RIOK1: variants seen among roughly 807,000 people sequenced by gnomAD.
RIOK1 encodes RIO kinase 1, also known as serine/threonine-protein kinase RIO1.
Under a neutral mutation model 73.5 loss-of-function variants are expected in RIOK1, and 66 were observed. The ratio of observed to expected loss-of-function variants is 0.90; its 90% CI spans 0.74 to 1.10. The LOEUF is 1.10. Among genes scored for constraint, RIOK1 ranks in the 50% least tolerant of loss-of-function variants. The pLI, the probability that RIOK1 is intolerant of heterozygous loss-of-function variation, is 0.00. For missense variants in RIOK1, 658 were observed against 699.8 expected, an observed-to-expected ratio of 0.94 and a Z score of 0.67; for synonymous variants, 224 against 226.8, an observed-to-expected ratio of 0.99 and a Z score of 0.11.
At chr6:7,405,077 TCA>T (rs1761712492) in intron 11 of RIOK1, 56 bp downstream of exon 11, 33 of 1,438,234 alleles carry the variant, frequency 2.3e-5, no homozygotes, top group Non-Finnish European at 3.1e-5. Flanking sequence ...GGTTTTGTAC[TCA>T]GTTAAGCTGT....
chr6:7,391,031 A>T (rs1581708130), intron 1 of RIOK1, among the ~76,000 whole-genome samples: 1 of 152,182 alleles, frequency 6.6e-6, no homozygotes, highest in Admixed American at 6.5e-5. Context: ...GGTAGACTGG[A>T]CGTGGAGTCT....
rs569114124 is a variant in RIOK1, at chr6:7,411,812, A to C, written c.1389+361A>C. Among the ~76,000 whole-genome samples the C allele has an allele frequency of 2.9e-4, 44 of 152,376 alleles. 1 individual carries two copies. Among genetic ancestry groups the C allele is most frequent in the African/African-American group, 1.0e-3 (42 of 41,600 alleles). On this transcript the variant is annotated intron_variant, in intron 14 of 16. Transcript: ENST00000379834. The stretch of plus-strand genomic sequence containing the variant: ...TGAAGGGTCAGATAGTAAATATTTT[A>C]GGCTTTGCAAGCCAAGAAACAAAAT...
intron 10 of RIOK1, 69 bp downstream of exon 10, chr6:7,404,624 TC>T (rs1761699180): frequency 1.3e-6 from 2 of 1,554,392 alleles, no homozygotes; most frequent in African/African-American, 2.7e-5. Flanking sequence ...ATAAACAAAA[TC>T]CCAATCCAAG....
intron 2 of RIOK1, 120 bp downstream of exon 2, chr6:7,393,423 T>C (rs531989041): frequency 6.4e-6 from 5 of 785,000 alleles, no homozygotes; most frequent in African/African-American, 3.4e-5. Context: ...TATATTGTCC[T>C]GTAGCCTCAG....
intron 12 of RIOK1, among the ~76,000 whole-genome samples, chr6:7,409,046 G>A (rs1407296529): frequency 6.6e-6 from 1 of 151,054 alleles, no homozygotes; most frequent in Non-Finnish European, 1.5e-5. Flanking sequence ...TTTTTTTGAC[G>A]GAGTTTCGCT....
intron 6 of RIOK1, among the ~76,000 whole-genome samples, chr6:7,402,351 C>T (rs989705570): frequency 2.6e-5 from 4 of 152,146 alleles, no homozygotes; most frequent in African/African-American, 7.2e-5. Flanking sequence ...ACGGAATCAC[C>T]TCATATATGC....
rs1762041127 is a variant in RIOK1 at position 7,417,611 on chromosome 6, C to G, written c.*170C>G. 1 of 447,796 alleles carries G rather than the reference C, an allele frequency of 2.2e-6. No individual in the cohort carries two copies. Among genetic ancestry groups the G allele is most frequent in the Non-Finnish European group, 4.1e-6 (1 of 244,768 alleles). 27.7% of individuals were successfully genotyped at this position (447,796 alleles called of 1,614,324 possible). A position where few individuals can be genotyped will look rare whatever the true frequency, so the allele number is the denominator to read the frequency against. Reference sequence around the variant, plus strand: ...GTAACTATGTAAAAAGCTCTAAGCTCTAGAGTCTAGATCCAGTCACTGACT... The same window carrying G: ...GTAACTATGTAAAAAGCTCTAAGCTGTAGAGTCTAGATCCAGTCACTGACT... On this transcript the variant is annotated 3_prime_UTR_variant, in exon 17 of 17. Coordinates refer to ENST00000379834, the MANE Select transcript of RIOK1 (RefSeq NM_031480.3).
chr6:7,403,786 A>G lies in RIOK1; in HGVS notation c.768-155A>G, dbSNP rs541369225. 1.6e-4 allele frequency: 84 copies of G among 510,376 alleles called. 1 individual carries two copies. In the East Asian group the frequency reaches 2.3e-3, roughly 14 times the overall value. The allele number at this position is 510,376 out of a possible 1,614,324, so 31.6% of individuals were successfully genotyped here. A position where few individuals can be genotyped will look rare whatever the true frequency, so the allele number is the denominator to read the frequency against. ...TCGGTGGTACATAATGGTGCCACTTAAAATAATCTTAGAGTTTATGAAATA... is the reference window on the plus strand; with the variant it reads ...TCGGTGGTACATAATGGTGCCACTTGAAATAATCTTAGAGTTTATGAAATA... On this transcript the variant is annotated intron_variant, in intron 8 of 16. Transcript: ENST00000379834.
intron 5 of RIOK1, among the ~76,000 whole-genome samples, chr6:7,399,984 A>G (rs1343660676): frequency 6.6e-6 from 1 of 152,238 alleles, no homozygotes; most frequent in Admixed American, 6.5e-5. Flanking sequence ...CATGGGGGCT[A>G]GAGGGCCTGC....
chr6:7,395,506 TC>T (rs1761450842), intron 3 of RIOK1, among the ~76,000 whole-genome samples: 1 of 127,958 alleles, frequency 7.8e-6, no homozygotes, highest in African/African-American at 2.7e-5. Flanking sequence ...AGGGCAAAAT[TC>T]CATCTCAAAA....
Position 7,414,234 on chromosome 6 carries a change from C to T in RIOK1, c.1444-4C>T, listed in dbSNP as rs578197759. ...GAATAACATGGTTCTTTAATAATTT[C>T]AAGGTCCCTGCACTCCTAGAAAATC... On this transcript the variant is annotated splice_polypyrimidine_tract_variant and splice_region_variant and intron_variant, in intron 15 of 16. Transcript: ENST00000379834. The T allele has an allele frequency of 6.9e-6, 11 of 1,599,574 alleles. No individual in the cohort carries two copies. The South Asian group carries it at 1.1e-4, about 17-fold the overall frequency.
chr6:7,415,658 C>T (rs1280197991), intron 16 of RIOK1, among the ~76,000 whole-genome samples: 1 of 152,158 alleles, frequency 6.6e-6, no homozygotes, highest in Admixed American at 6.5e-5. Flanking sequence ...TGAGCCTATA[C>T]GAAGGTTTCA....
At chr6:7,408,856 G>A (rs1761815313) in intron 12 of RIOK1, among the ~76,000 whole-genome samples, 1 of 151,184 alleles carries the variant, frequency 6.6e-6, no homozygotes, top group African/African-American at 2.4e-5. Context: ...CGAGTAGCTG[G>A]GATTACAGGC....
chr6:7,395,249 C>A (rs768785870), intron 3 of RIOK1, 106 bp downstream of exon 3: 6 of 1,321,976 alleles, frequency 4.5e-6, no homozygotes, highest in South Asian at 1.3e-5. Flanking sequence ...CGTGGTGGCT[C>A]ACGCCTGTAA....
intron 13 of RIOK1, 81 bp from the exon 14 acceptor site, chr6:7,411,251 G>A: frequency 6.8e-7 from 1 of 1,469,726 alleles, no homozygotes. Context: ...AGATTCCCCT[G>A]TAACCTGATG....
intron 2 of RIOK1, 137 bp from the exon 3 acceptor site, chr6:7,394,912 TTTGA>T: frequency 7.4e-7 from 1 of 1,347,518 alleles, no homozygotes; most frequent in Non-Finnish European, 1.0e-6. Context: ...TTTGAGCCAA[TTTGA>T]TTGACTCTTA....
chr6:7,393,732 T>C (rs1761400084), intron 2 of RIOK1, among the ~76,000 whole-genome samples: 1 of 152,166 alleles, frequency 6.6e-6, no homozygotes, highest in African/African-American at 2.4e-5. Context: ...TGCACTTACT[T>C]GTAGGATAAG....
At chr6:7,396,514 G>A (rs1342036453) in intron 3 of RIOK1, among the ~76,000 whole-genome samples, 189 bp from the exon 4 acceptor site, 1 of 152,128 alleles carries the variant, frequency 6.6e-6, no homozygotes, top group Non-Finnish European at 1.5e-5. Context: ...CACTTACGAA[G>A]GAAACGCAGT....
intron 13 of RIOK1, among the ~76,000 whole-genome samples, chr6:7,410,900 A>G (rs921273805): frequency 6.6e-6 from 1 of 152,202 alleles, no homozygotes; most frequent in Non-Finnish European, 1.5e-5. Flanking sequence ...ATGGTTGACT[A>G]TGAGGTGCCC....
Sources: gnomAD v4.1 joint callset for allele counts (sites outside exome capture counted in the v4.1 genomes callset) on GRCh38, gnomAD v4.1.1 for gene constraint, MANE v1.5 for transcripts, NCBI Gene and HGNC (gene_info 2026-07-23, HGNC 2026-07-21) for gene names.